Variants in ADAM32 observed in about 807,000 individuals in gnomAD.
ADAM32 encodes disintegrin and metalloproteinase domain-containing protein 32.
A neutral mutation model predicts 114.9 loss-of-function variants in ADAM32; 89 were observed. That is an observed-to-expected ratio of 0.77 (90% CI 0.65 to 0.92). ADAM32 has a LOEUF of 0.92. ADAM32 is among the 40% of genes least tolerant of loss of function. The pLI is 0.00. For synonymous variants in ADAM32, 285 were observed against 307.5 expected (o/e 0.93, Z 0.77); for missense variants, 870 against 932.8 (o/e 0.93, Z 0.88).
intron 3 of ADAM32, among the ~76,000 whole-genome samples, chr8:39,138,723 G>A (rs952182377): frequency 6.6e-6 from 1 of 152,100 alleles, no homozygotes; most frequent in Non-Finnish European, 1.5e-5. Context: ...GGTATTTCTA[G>A]TTCTAGATCC....
intron 16 of ADAM32, among the ~76,000 whole-genome samples, chr8:39,242,443 G>T (rs1810625435): frequency 6.6e-6 from 1 of 152,194 alleles, no homozygotes; most frequent in African/African-American, 2.4e-5. Context: ...GCAAAAGAAA[G>T]AAGTTTAATG....
At chr8:39,110,214 G>A (rs1030543612) in intron 1 of ADAM32, among the ~76,000 whole-genome samples, 3 of 152,194 alleles carry the variant, frequency 2.0e-5, no homozygotes, top group Middle Eastern at 3.4e-3. Context: ...GATTACAGGT[G>A]CCTGCTACCA....
At chr8:39,204,411 A>G (rs1807670545) in intron 11 of ADAM32, among the ~76,000 whole-genome samples, 1 of 152,148 alleles carries the variant, frequency 6.6e-6, no homozygotes, top group Non-Finnish European at 1.5e-5. Flanking sequence ...TCTTTCTTCC[A>G]GTTGATCGAA....
intron 22 of ADAM32, among the ~76,000 whole-genome samples, chr8:39,280,370 A>G (rs1210768512): frequency 6.6e-6 from 1 of 152,130 alleles, no homozygotes; most frequent in Non-Finnish European, 1.5e-5. Context: ...TTCTCTATGT[A>G]TCTAATAGAA....
At chr8:39,140,364 AG>A (rs1256315700) in intron 3 of ADAM32, among the ~76,000 whole-genome samples, 7 of 152,208 alleles carry the variant, frequency 4.6e-5, no homozygotes, top group African/African-American at 1.2e-4. Context: ...TTTAGCATGA[AG>A]GGCTGTTGAA....
chr8:39,266,045 G>A (rs915485707), intron 19 of ADAM32, among the ~76,000 whole-genome samples: 7 of 152,158 alleles, frequency 4.6e-5, no homozygotes, highest in African/African-American at 1.7e-4. Context: ...CTAGCCTGTT[G>A]GGGTTCCCTT....
intron 16 of ADAM32, among the ~76,000 whole-genome samples, chr8:39,239,422 T>C (rs1810406702): frequency 6.6e-6 from 1 of 152,168 alleles, no homozygotes; most frequent in South Asian, 2.1e-4. Flanking sequence ...TAAAAAGAGT[T>C]CTAAATCTTG....
At chr8:39,272,871 CATTT>C (rs1186494110) in intron 20 of ADAM32, among the ~76,000 whole-genome samples, 1 of 152,172 alleles carries the variant, frequency 6.6e-6, no homozygotes, top group Non-Finnish European at 1.5e-5. Flanking sequence ...CTTGTAATAA[CATTT>C]AGCTCAAAAA....
At chr8:39,150,315 G>A (rs1803746563) in intron 5 of ADAM32, among the ~76,000 whole-genome samples, 1 of 152,002 alleles carries the variant, frequency 6.6e-6, no homozygotes, top group Non-Finnish European at 1.5e-5. Context: ...TTGTAGATTA[G>A]GGTAATCTTT....
intron 21 of ADAM32, among the ~76,000 whole-genome samples, chr8:39,274,688 G>A (rs1232179349): frequency 1.3e-5 from 2 of 152,150 alleles, no homozygotes; most frequent in Non-Finnish European, 2.9e-5. Flanking sequence ...TCATAACAAT[G>A]TTTTGGTAAA....
At chr8:39,114,929 A>T (rs1253260022) in intron 1 of ADAM32, among the ~76,000 whole-genome samples, 1 of 152,060 alleles carries the variant, frequency 6.6e-6, no homozygotes, top group African/African-American at 2.4e-5. Context: ...ATCCATGTGT[A>T]CTCAATGTTT....
intron 12 of ADAM32, among the ~76,000 whole-genome samples, chr8:39,218,289 C>A (rs1445767388): frequency 1.3e-5 from 2 of 152,160 alleles, no homozygotes; most frequent in African/African-American, 4.8e-5. Flanking sequence ...GTGGCCACCA[C>A]CACTTAGATT....
At chr8:39,156,563 A>G (rs935498762) in intron 6 of ADAM32, among the ~76,000 whole-genome samples, 5 of 152,142 alleles carry the variant, frequency 3.3e-5, no homozygotes, top group Non-Finnish European at 7.4e-5. Context: ...TACCTTTGGC[A>G]TTTCTTGTAG....
chr8:39,226,889 G>A (rs988782016), intron 14 of ADAM32, among the ~76,000 whole-genome samples: 9 of 152,130 alleles, frequency 5.9e-5, no homozygotes, highest in South Asian at 2.1e-4. Context: ...CCGAAATGGC[G>A]ATGTGTCTCT....
chr8:39,259,442 C>CT (rs1014414899), intron 19 of ADAM32, among the ~76,000 whole-genome samples: 17 of 150,666 alleles, frequency 1.1e-4, no homozygotes, highest in Non-Finnish European at 1.8e-4. Context: ...TTTCTGTTCT[C>CT]TTTTTTTTTC....
At chr8:39,113,518 A>C (rs1332654860) in intron 1 of ADAM32, among the ~76,000 whole-genome samples, 1 of 151,378 alleles carries the variant, frequency 6.6e-6, no homozygotes, top group Non-Finnish European at 1.5e-5. Flanking sequence ...ACTCGTTGTG[A>C]CTCTTTTTTT....
chr8:39,242,816 C>T (rs1361484247), intron 16 of ADAM32, among the ~76,000 whole-genome samples: 1 of 151,926 alleles, frequency 6.6e-6, no homozygotes, highest in Non-Finnish European at 1.5e-5. Context: ...AAAATGGATA[C>T]AATCAAAGGA....
Position 39,217,626 on chromosome 8 carries a change from G to A in ADAM32, c.1234-3984G>A, listed in dbSNP as rs567901032. ...CAAGCTCACTAATTCTTTCTTCTGC[G>A]TGGTCAGTTCTGCTATTAAGAGACT... On this transcript the variant is annotated intron_variant, in intron 12 of 24. Transcript: ENST00000379907. 3.5e-4 allele frequency among the ~76,000 whole-genome samples: 53 copies of A among 150,980 alleles called. No individual in the cohort carries two copies. In the South Asian group the frequency reaches 9.3e-3, roughly 26 times the overall value.
intron 11 of ADAM32, among the ~76,000 whole-genome samples, chr8:39,209,453 C>G (rs1490896832): frequency 6.6e-6 from 1 of 152,210 alleles, no homozygotes; most frequent in Non-Finnish European, 1.5e-5. Context: ...AGAGTTTACA[C>G]ATATTTCTCC....
Sources: allele counts gnomAD v4.1 joint callset (sites outside exome capture counted in the v4.1 genomes callset), GRCh38; gene constraint gnomAD v4.1.1; transcripts MANE v1.5; gene names NCBI Gene and HGNC (gene_info 2026-07-23, HGNC 2026-07-21).